The following SCYL2 variants were observed in gnomAD, a reference collection of about 807,000 sequenced individuals.
The protein encoded by SCYL2 is SCY1-like protein 2.
A neutral mutation model predicts 100.4 loss-of-function variants in SCYL2; 36 were observed. The observed-to-expected ratio is 0.36, with a 90% CI of 0.27 to 0.47. The LOEUF (loss-of-function observed/expected upper bound fraction) is 0.47, where lower values mean the gene tolerates loss of function less well. Among genes scored for constraint, SCYL2 ranks in the 20% least tolerant of loss-of-function variants. SCYL2 has a pLI of 1.00. For missense variants in SCYL2, 902 were observed against 1,083.9 expected (o/e 0.83, Z 2.36); for synonymous variants, 330 against 359.2 (o/e 0.92, Z 0.92).
chr12:100,291,862 A>G, intron 3 of SCYL2: 1 of 514,790 alleles, frequency 1.9e-6, no homozygotes, highest in Non-Finnish European at 3.3e-6. Context: ...TACTTTCTTT[A>G]CTTTTGCCAT....
intron 1 of SCYL2, among the ~76,000 whole-genome samples, chr12:100,282,158 G>A (rs558941320): frequency 6.1e-4 from 92 of 151,894 alleles, no homozygotes; most frequent in Non-Finnish European, 9.6e-4. Context: ...CCTAGTAGCT[G>A]GGATTGTGGG....
Position 100,313,458 on chromosome 12 carries a change from C to T in SCYL2, c.889C>T (p.Pro297Ser). Residue 297 changes from proline to serine, a missense_variant, in exon 7 of 18, where the codon CCT (proline) becomes TCT (serine). Coordinates refer to ENST00000360820, the MANE Select transcript of SCYL2 (RefSeq NM_017988.6). Reference sequence around the variant, plus strand: ...AGGATCTAGTTCACTTACAAATATACCTGAGGAAGTTCGTGAACATGTAAA... The same window carrying T: ...AGGATCTAGTTCACTTACAAATATATCTGAGGAAGTTCGTGAACATGTAAA... ...RLGSSSLTNI[P>S]EEVREHVKLL... is the part of the protein sequence containing the mutation. The T allele has an allele frequency of 1.3e-6, 2 of 1,497,916 alleles. No individual in the cohort carries two copies. The highest frequency in any genetic ancestry group is 1.8e-6 in the Non-Finnish European group (2 of 1,099,460). 92.8% of individuals were successfully genotyped at this position (1,497,916 alleles called of 1,614,324 possible).
intron 14 of SCYL2, 27 bp downstream of exon 14, chr12:100,334,293 G>C: frequency 8.1e-7 from 1 of 1,242,158 alleles, no homozygotes; most frequent in South Asian, 1.2e-5. Flanking sequence ...TGAATTATAT[G>C]TGGTCCGGGA....
rs554380521 is a variant in SCYL2 at position 100,322,553 on chromosome 12, TC to T, written c.1396-971del. Among the ~76,000 whole-genome samples, 47 of 152,164 alleles carry T rather than the reference TC, an allele frequency of 3.1e-4. No individual in the cohort carries two copies. In the South Asian group the frequency reaches 7.9e-3, roughly 25 times the overall value. ...GAGAGGATTGCTTGAGCTCAGGAATTCGAGACCAGCCTGGGAAACATAGTGA... is the reference window on the plus strand; with the variant it reads ...GAGAGGATTGCTTGAGCTCAGGAATTGAGACCAGCCTGGGAAACATAGTGA... On this transcript the variant is annotated intron_variant, in intron 10 of 17. Transcript: ENST00000360820.
intron 2 of SCYL2, among the ~76,000 whole-genome samples, chr12:100,284,769 C>A (rs1230466616): frequency 1.3e-5 from 2 of 152,110 alleles, no homozygotes; most frequent in East Asian, 1.9e-4. Context: ...GGCCTAGTTT[C>A]TTTTTTGAGT....
rs141874409 is a variant in SCYL2, at chr12:100,308,364, A to G, written c.481-2680A>G. ...GACGTGGATGAAGCTGGAAACTATC[A>G]TTCTCAGCAGACTAACACAGAAACA... On this transcript the variant is annotated intron_variant, in intron 4 of 17. Coordinates refer to ENST00000360820, the MANE Select transcript of SCYL2 (RefSeq NM_017988.6). Among the ~76,000 whole-genome samples the G allele has an allele frequency of 2.2e-3, 331 of 152,314 alleles. 5 individuals carry two copies. In the East Asian group the frequency reaches 0.037, roughly 17 times the overall value.
At chr12:100,295,770 C>T (rs9805061) in intron 3 of SCYL2, among the ~76,000 whole-genome samples, 9 of 147,686 alleles carry the variant, frequency 6.1e-5, no homozygotes, top group African/African-American at 1.5e-4. Context: ...CGTGGGGAGA[C>T]GGGAGAGGGA....
At chr12:100,309,201 G>T (rs1187751896) in intron 4 of SCYL2, among the ~76,000 whole-genome samples, 1 of 151,856 alleles carries the variant, frequency 6.6e-6, no homozygotes, top group Non-Finnish European at 1.5e-5. Flanking sequence ...TACAGTGTAG[G>T]ATTCTATTTG....
At chr12:100,299,826 T>C (rs1428111239) in intron 4 of SCYL2, among the ~76,000 whole-genome samples, 1 of 152,202 alleles carries the variant, frequency 6.6e-6, no homozygotes, top group African/African-American at 2.4e-5. Flanking sequence ...TGAACATTCA[T>C]GTACAAGTTT....
chr12:100,296,766 G>A (rs1197344371), intron 3 of SCYL2: 1 of 151,408 alleles, frequency 6.6e-6, no homozygotes, highest in Admixed American at 6.6e-5. Flanking sequence ...TAACAGTACA[G>A]TTCAACAAAA....
chr12:100,294,458 C>T (rs1461812461), intron 3 of SCYL2, among the ~76,000 whole-genome samples: 184 of 81,666 alleles, frequency 2.3e-3, no homozygotes, highest in South Asian at 2.6e-3. Context: ...TAGGGGCGGC[C>T]GGGCAGAGGC....
chr12:100,268,876 C>T (rs2135778115), intron 1 of SCYL2, among the ~76,000 whole-genome samples: 1 of 152,328 alleles, frequency 6.6e-6, no homozygotes, highest in Non-Finnish European at 1.5e-5. Context: ...TGTCGTGCTT[C>T]ATACTCAGCC....
intron 4 of SCYL2, among the ~76,000 whole-genome samples, chr12:100,299,698 G>T (rs1461505367): frequency 2.0e-5 from 3 of 151,248 alleles, no homozygotes; most frequent in Admixed American, 6.6e-5. Context: ...ATCAATAGTT[G>T]ATTCTTTTTT....
At chr12:100,315,091 T>TA (rs2096346841) in intron 8 of SCYL2, among the ~76,000 whole-genome samples, 1 of 152,250 alleles carries the variant, frequency 6.6e-6, no homozygotes, top group Non-Finnish European at 1.5e-5. Context: ...AGATATTCGT[T>TA]AGTTACCTAC....
intron 4 of SCYL2, among the ~76,000 whole-genome samples, chr12:100,309,597 A>G (rs970722457): frequency 4.6e-5 from 7 of 152,244 alleles, no homozygotes; most frequent in Non-Finnish European, 8.8e-5. Context: ...CATTATATGT[A>G]TATGCATAGC....
At chr12:100,276,595 C>T (rs2096292706) in intron 1 of SCYL2, among the ~76,000 whole-genome samples, 1 of 152,162 alleles carries the variant, frequency 6.6e-6, no homozygotes, top group Non-Finnish European at 1.5e-5. Context: ...GCTTTAGTGT[C>T]CCAGAGTGTT....
chr12:100,274,314 T>C (rs1327128052), intron 1 of SCYL2, among the ~76,000 whole-genome samples: 3 of 152,218 alleles, frequency 2.0e-5, no homozygotes, highest in Admixed American at 1.3e-4. Flanking sequence ...AGCTGGAGTT[T>C]TTTTGTCAAG....
At chr12:100,296,368 G>T (rs1226498973) in intron 3 of SCYL2, among the ~76,000 whole-genome samples, 1 of 152,124 alleles carries the variant, frequency 6.6e-6, no homozygotes, top group Non-Finnish European at 1.5e-5. Flanking sequence ...GTATATGGGG[G>T]TGAGTCACTT....
rs753636664 is a variant in SCYL2, at chr12:100,317,858, A to C, written c.1328A>C (p.Asp443Ala). 3 of 1,609,556 alleles carry C rather than the reference A, an allele frequency of 1.9e-6. No individual in the cohort carries two copies. Among genetic ancestry groups the C allele is most frequent in the Non-Finnish European group, 2.5e-6 (3 of 1,179,130 alleles). Residue 443 changes from aspartate to alanine, a missense_variant, in exon 10 of 18, where the codon GAT becomes GCT. By Grantham distance (126) the Asp-to-Ala change is moderately radical (BLOSUM62 -2). Coordinates refer to ENST00000360820, the MANE Select transcript of SCYL2 (RefSeq NM_017988.6). ...MDLLLTKTPP[D>A]EIKNSVLPMV... ...TTGCTACTAACCAAAACCCCTCCTG[A>C]TGAGATAAAGAACAGTGTTCTACCC...
Sources: gnomAD v4.1 joint callset for allele counts (sites outside exome capture counted in the v4.1 genomes callset) on GRCh38, gnomAD v4.1.1 for gene constraint, MANE v1.5 for transcripts, NCBI Gene and HGNC (gene_info 2026-07-23, HGNC 2026-07-21) for gene names.